Variants in TCF7L1 observed in about 807,000 individuals in gnomAD.
TCF7L1 encodes the protein transcription factor 7 like 1.
Under a neutral mutation model 63.7 loss-of-function variants are expected in TCF7L1, and 18 were observed. That is an observed-to-expected ratio of 0.28 (90% CI 0.20 to 0.42). The LOEUF is 0.42. TCF7L1 is among the 10% of genes least tolerant of loss of function. The pLI, the probability that TCF7L1 is intolerant of heterozygous loss-of-function variation, is 1.00. For missense variants in TCF7L1, 654 were observed against 779.3 expected (o/e 0.84, Z 1.91); for synonymous variants, 355 against 340.9 (o/e 1.04, Z -0.46).
In TCF7L1 at chr2:85,258,101, ATGT is replaced by A. The variant is rs902340351; in HGVS notation, c.442-25390_442-25388del. 4.1e-4 allele frequency among the ~76,000 whole-genome samples: 62 copies of A among 152,192 alleles called. 1 individual carries two copies. The highest frequency in any genetic ancestry group is 5.9e-5 in the Non-Finnish European group (4 of 68,036). On this transcript the variant is annotated intron_variant, in intron 3 of 11. Coordinates refer to ENST00000282111, the MANE Select transcript of TCF7L1 (RefSeq NM_031283.3). ...TGAGGATTAAGTGGAAACCAGACTA[ATGT>A]TGTATTCATTATCTGGGATAAAGGT...
Position 85,310,344 on chromosome 2 carries a change from T to C in TCF7L1, c.*882T>C, listed in dbSNP as rs1682249113. 1 of 152,602 alleles carries C rather than the reference T, an allele frequency of 6.6e-6. No homozygotes were observed. Among genetic ancestry groups the C allele is most frequent in the African/African-American group, 2.4e-5 (1 of 41,462 alleles). 9.5% of individuals were successfully genotyped at this position (152,602 alleles called of 1,614,324 possible). A position where few individuals can be genotyped will look rare whatever the true frequency, so the allele number is the denominator to read the frequency against. ...TTGGAGCAATTTAAACTCCCAGTTG[T>C]TTATTTTCACAAAAGAAAATAAAAT... On this transcript the variant is annotated 3_prime_UTR_variant, in exon 12 of 12. Transcript: ENST00000282111.
intron 3 of TCF7L1, among the ~76,000 whole-genome samples, chr2:85,245,637 C>A (rs1000642042): frequency 9.9e-5 from 15 of 151,868 alleles, no homozygotes; most frequent in African/African-American, 3.6e-4. Context: ...ACGGTGAAAC[C>A]CCGTCTCTAC....
chr2:85,263,322 G>C (rs1033823353), intron 3 of TCF7L1, among the ~76,000 whole-genome samples: 1 of 151,676 alleles, frequency 6.6e-6, no homozygotes, highest in Non-Finnish European at 1.5e-5. Context: ...AGGGTGGAGG[G>C]GGGGAAGTAA....
Position 85,142,195 on chromosome 2 carries a change from G to A in TCF7L1, c.441+7745G>A, listed in dbSNP as rs368688122. On this transcript the variant is annotated intron_variant, in intron 3 of 11. Transcript: ENST00000282111. ...TAATCCCAACACTTTGGGAGGCCAA[G>A]GCGGGCAGATTGCTTGAGCTCACGA... 9.2e-4 allele frequency among the ~76,000 whole-genome samples: 140 copies of A among 152,294 alleles called. 5 individuals are homozygous for A. The South Asian group carries it at 0.028, about 31-fold the overall frequency.
chr2:85,237,383 C>A (rs1412952337), intron 3 of TCF7L1, among the ~76,000 whole-genome samples: 2 of 152,066 alleles, frequency 1.3e-5, no homozygotes, highest in Non-Finnish European at 2.9e-5. Flanking sequence ...CTGGTGACTC[C>A]GAGGTCTGCA....
chr2:85,192,835 G>A (rs1420512895), intron 3 of TCF7L1, among the ~76,000 whole-genome samples: 1 of 151,458 alleles, frequency 6.6e-6, no homozygotes, highest in African/African-American at 2.4e-5. Context: ...TACCATCCTT[G>A]GCTAATTTTT....
At chr2:85,273,064 C>T (rs1421546421) in intron 3 of TCF7L1, among the ~76,000 whole-genome samples, 1 of 152,044 alleles carries the variant, frequency 6.6e-6, no homozygotes, top group Non-Finnish European at 1.5e-5. Context: ...GCGGGGAGGG[C>T]ATGTAAGCAG....
chr2:85,276,322 C>T (rs548359922), intron 3 of TCF7L1, among the ~76,000 whole-genome samples: 33 of 152,208 alleles, frequency 2.2e-4, no homozygotes, highest in Non-Finnish European at 4.3e-4. Context: ...GCATCCCAGC[C>T]TCCATGCTAC....
chr2:85,212,650 G>A (rs138805072), intron 3 of TCF7L1, among the ~76,000 whole-genome samples: 59 of 152,280 alleles, frequency 3.9e-4, no homozygotes, highest in East Asian at 1.7e-3. Flanking sequence ...AGTGTGCACC[G>A]TGTCAAGTGG....
At chr2:85,294,026 A>AT (rs774050758) in intron 4 of TCF7L1, among the ~76,000 whole-genome samples, 972 of 59,422 alleles carry the variant, frequency 0.016, 99 homozygotes, top group African/African-American at 0.04. Flanking sequence ...GAACACTGGG[A>AT]TTTTTTTTTT....
intron 3 of TCF7L1, among the ~76,000 whole-genome samples, chr2:85,282,794 T>TTGTGTGTGTGTGTGTGTGTG (rs59628868): frequency 1.7e-5 from 2 of 119,140 alleles, no homozygotes; most frequent in African/African-American, 6.7e-5. Flanking sequence ...GAGAGAGAGA[T>TTGTGTGTGTGTGTGTGTGTG]TGTGTGTGTG....
At chr2:85,135,721 C>T (rs1553392562) in intron 3 of TCF7L1, among the ~76,000 whole-genome samples, 3 of 151,766 alleles carry the variant, frequency 2.0e-5, no homozygotes, top group Non-Finnish European at 4.4e-5. Context: ...GGAAGAGACT[C>T]TGACTGAGAG....
intron 3 of TCF7L1, among the ~76,000 whole-genome samples, chr2:85,241,550 G>A (rs775773755): frequency 6.9e-5 from 10 of 145,292 alleles, no homozygotes; most frequent in South Asian, 2.3e-4. Context: ...GGGTTCAAGC[G>A]ATTCTCCTGC....
chr2:85,305,208 A>C, intron 7 of TCF7L1, 52 bp from the exon 8 acceptor site: 1 of 1,613,778 alleles, frequency 6.2e-7, no homozygotes, highest in Non-Finnish European at 8.5e-7. Flanking sequence ...GCTGGGTGGC[A>C]GGTATCCAGC....
At chr2:85,298,175 G>A (rs1186034843) in intron 4 of TCF7L1, among the ~76,000 whole-genome samples, 2 of 69,900 alleles carry the variant, frequency 2.9e-5, no homozygotes, top group African/African-American at 7.7e-5. Flanking sequence ...CTGGGTGACA[G>A]AGTGAGACTC....
intron 3 of TCF7L1, among the ~76,000 whole-genome samples, chr2:85,281,739 C>G (rs1045923780): frequency 6.6e-6 from 1 of 152,188 alleles, no homozygotes; most frequent in Admixed American, 6.5e-5. Context: ...GCCAGGCCTG[C>G]TTGGCCCATC....
Position 85,300,207 on chromosome 2 carries a change from A to G in TCF7L1, c.526-2277A>G, listed in dbSNP as rs540930221. On this transcript the variant is annotated intron_variant, in intron 4 of 11. Transcript: ENST00000282111. The stretch of plus-strand genomic sequence containing the variant: ...TATTTAGCCTTTTTTTAAATTACAG[A>G]GTTTATGTATTTTTTAATTGTGATT... Among the ~76,000 whole-genome samples the G allele has an allele frequency of 2.0e-4, 30 of 151,992 alleles. 1 individual carries two copies. Among genetic ancestry groups the G allele is most frequent in the African/African-American group, 7.2e-4 (30 of 41,440 alleles).
At chr2:85,290,000 CAG>C (rs1176575266) in intron 4 of TCF7L1, among the ~76,000 whole-genome samples, 1 of 126,084 alleles carries the variant, frequency 7.9e-6, no homozygotes, top group Non-Finnish European at 1.7e-5. Flanking sequence ...TTCTCCGAGA[CAG>C]AGTCTCACTA....
intron 4 of TCF7L1, among the ~76,000 whole-genome samples, chr2:85,290,689 G>GATGT (rs1398924634): frequency 6.6e-6 from 1 of 152,216 alleles, no homozygotes; most frequent in African/African-American, 2.4e-5. Context: ...GAACCAAGGT[G>GATGT]ATGTATGTAT....
Sources: gnomAD v4.1 joint callset for allele counts (sites outside exome capture counted in the v4.1 genomes callset) on GRCh38, gnomAD v4.1.1 for gene constraint, MANE v1.5 for transcripts, NCBI Gene and HGNC (gene_info 2026-07-23, HGNC 2026-07-21) for gene names.